GPC6: variants seen among roughly 807,000 people sequenced by gnomAD.
GPC6 encodes glypican-6.
GPC6 carries 14 observed loss-of-function variants against 55.2 expected under a neutral mutation model. The observed-to-expected ratio is 0.25, with a 90% CI of 0.17 to 0.40. The LOEUF is 0.40. Ranked by LOEUF, GPC6 falls within the 10% of genes least tolerant of loss-of-function variation. The pLI, the probability that GPC6 is intolerant of heterozygous loss-of-function variation, is 1.00. For synonymous variants in GPC6, 278 were observed against 259.6 expected (o/e 1.07, Z -0.68); for missense variants, 641 against 708.5 (o/e 0.90, Z 1.08).
At chr13:94,176,027 C>A (rs1319749208) in intron 4 of GPC6, among the ~76,000 whole-genome samples, 1 of 147,464 alleles carries the variant, frequency 6.8e-6, no homozygotes, top group East Asian at 2.0e-4. Context: ...TTTAATTCAC[C>A]ACTTTTAAAT....
chr13:94,135,140 G>A, intron 4 of GPC6, among the ~76,000 whole-genome samples: 1 of 151,990 alleles, frequency 6.6e-6, no homozygotes, highest in African/African-American at 2.4e-5. Context: ...GAAACCAAGG[G>A]TGCCCTAATC....
At chr13:93,857,661 G>C (rs1031852507) in intron 3 of GPC6, among the ~76,000 whole-genome samples, 34 of 151,468 alleles carry the variant, frequency 2.2e-4, no homozygotes, top group African/African-American at 7.3e-4. Flanking sequence ...TAGGACTGTT[G>C]GTAACTGTTA....
intron 4 of GPC6, among the ~76,000 whole-genome samples, chr13:94,188,991 G>A (rs776601900): frequency 4.1e-4 from 62 of 152,064 alleles, no homozygotes; most frequent in Non-Finnish European, 8.5e-4. Context: ...AATAATAAGC[G>A]TCCCCACCAT....
At chr13:93,366,444 A>T (rs2139185293) in intron 1 of GPC6, among the ~76,000 whole-genome samples, 1 of 152,198 alleles carries the variant, frequency 6.6e-6, no homozygotes, top group East Asian at 1.9e-4. Context: ...GCAGTGTTGC[A>T]GATAATGTAG....
At chr13:93,815,418 T>C (rs1886816725) in intron 2 of GPC6, among the ~76,000 whole-genome samples, 1 of 152,166 alleles carries the variant, frequency 6.6e-6, no homozygotes, top group African/African-American at 2.4e-5. Context: ...CATATTCTTA[T>C]CTAGAATTTA....
intron 2 of GPC6, among the ~76,000 whole-genome samples, chr13:93,744,738 T>G (rs766432180): frequency 6.6e-5 from 10 of 151,276 alleles, no homozygotes; most frequent in Non-Finnish European, 1.0e-4. Flanking sequence ...GAGACCAGAC[T>G]GGCCAATATG....
At chr13:94,124,027 A>AG (rs1369439137) in intron 4 of GPC6, among the ~76,000 whole-genome samples, 1 of 152,104 alleles carries the variant, frequency 6.6e-6, no homozygotes, top group African/African-American at 2.4e-5. Flanking sequence ...GAAAATGGGG[A>AG]GGGGGAATCA....
chr13:93,960,708 A>C (rs1261131843), intron 3 of GPC6, among the ~76,000 whole-genome samples: 1 of 151,994 alleles, frequency 6.6e-6, no homozygotes, highest in Admixed American at 6.6e-5. Context: ...CAGTAGCCTT[A>C]GACTCCTAGG....
chr13:93,954,264 A>G (rs1392763095), intron 3 of GPC6, among the ~76,000 whole-genome samples: 1 of 152,220 alleles, frequency 6.6e-6, no homozygotes, highest in Admixed American at 6.5e-5. Context: ...AAAAGTGTAT[A>G]TATATTATAA....
intron 7 of GPC6, among the ~76,000 whole-genome samples, chr13:94,382,802 G>A (rs1419318937): frequency 6.6e-6 from 1 of 152,186 alleles, no homozygotes; most frequent in East Asian, 1.9e-4. Context: ...AGGAATGGTG[G>A]CAGATGCCAG....
intron 5 of GPC6, among the ~76,000 whole-genome samples, chr13:94,288,748 TAA>T (rs1566637336): frequency 3.8e-5 from 5 of 132,830 alleles, no homozygotes; most frequent in African/African-American, 5.6e-5. Context: ...AATATATATA[TAA>T]TATATATAAT....
intron 4 of GPC6, among the ~76,000 whole-genome samples, chr13:94,135,200 T>C (rs940296262): frequency 2.0e-5 from 3 of 150,312 alleles, no homozygotes; most frequent in Non-Finnish European, 4.4e-5. Context: ...TTTACAGACA[T>C]GGGCTACCGG....
chr13:93,975,287 C>T (rs577606034), intron 3 of GPC6, among the ~76,000 whole-genome samples: 14 of 152,074 alleles, frequency 9.2e-5, no homozygotes, highest in Middle Eastern at 3.4e-3. Flanking sequence ...AGGAATATTA[C>T]GTTAGGGTTT....
chr13:94,163,441 C>G (rs1473071787), intron 4 of GPC6, among the ~76,000 whole-genome samples: 2 of 151,964 alleles, frequency 1.3e-5, no homozygotes, highest in East Asian at 3.9e-4. Context: ...GAAATAGAAA[C>G]TCTTTTTAAA....
At chr13:93,623,002 C>A (rs1015436549) in intron 2 of GPC6, among the ~76,000 whole-genome samples, 4 of 152,118 alleles carry the variant, frequency 2.6e-5, no homozygotes, top group Non-Finnish European at 5.9e-5. Context: ...TGAGTGACAT[C>A]ATGTAGTATT....
intron 2 of GPC6, among the ~76,000 whole-genome samples, chr13:93,599,690 T>C (rs1017453239): frequency 2.0e-5 from 3 of 152,232 alleles, no homozygotes; most frequent in Non-Finnish European, 4.4e-5. Flanking sequence ...CATAAGGTTT[T>C]ATTTTTTTCA....
At chr13:94,023,846 G>A (rs973175101) in intron 3 of GPC6, among the ~76,000 whole-genome samples, 6 of 151,712 alleles carry the variant, frequency 4.0e-5, no homozygotes, top group Non-Finnish European at 7.4e-5. Context: ...GACCTTGAGG[G>A]CATTATGCTC....
At chr13:93,262,551 G>C (rs1877186789) in intron 1 of GPC6, among the ~76,000 whole-genome samples, 3 of 152,098 alleles carry the variant, frequency 2.0e-5, no homozygotes, top group African/African-American at 4.8e-5. Context: ...TATTCTTATA[G>C]GCAATTGTAA....
chr13:93,941,045 T>C (rs1282706459), intron 3 of GPC6, among the ~76,000 whole-genome samples: 1 of 152,204 alleles, frequency 6.6e-6, no homozygotes, highest in Non-Finnish European at 1.5e-5. Context: ...CAATTTCCTT[T>C]CCTTCTCATA....
Sources: allele counts gnomAD v4.1 joint callset (sites outside exome capture counted in the v4.1 genomes callset), GRCh38; gene constraint gnomAD v4.1.1; transcripts MANE v1.5; gene names NCBI Gene and HGNC (gene_info 2026-07-23, HGNC 2026-07-21).